The following PTPRN variants were observed in gnomAD, a reference collection of about 807,000 sequenced individuals.
The protein encoded by PTPRN is protein tyrosine phosphatase receptor type N.
PTPRN carries 70 observed loss-of-function variants against 108.5 expected under a neutral mutation model. The ratio of observed to expected loss-of-function variants is 0.65; its 90% CI spans 0.53 to 0.79. The LOEUF (loss-of-function observed/expected upper bound fraction) is 0.79, where lower values mean the gene tolerates loss of function less well. Ranked by LOEUF, PTPRN falls within the 30% of genes least tolerant of loss-of-function variation. PTPRN has a pLI of 0.00. For missense variants in PTPRN, 1,136 were observed against 1,295.5 expected (o/e 0.88, Z 1.89); for synonymous variants, 496 against 524.6 (o/e 0.95, Z 0.75).
chr2:219,295,237 C>G lies in PTPRN; in HGVS notation c.2509-96G>C, dbSNP rs963442249. 30 of 1,389,704 alleles carry G rather than the reference C, an allele frequency of 2.2e-5. No individual in the cohort carries two copies. In the African/African-American group the frequency reaches 3.9e-4, roughly 18 times the overall value. The allele number at this position is 1,389,704 out of a possible 1,614,324, so 86.1% of individuals were successfully genotyped here. A position where few individuals can be genotyped will look rare whatever the true frequency, so the allele number is the denominator to read the frequency against. On this transcript the variant is annotated intron_variant, in intron 18 of 22. Coordinates refer to ENST00000295718, the MANE Select transcript of PTPRN (RefSeq NM_002846.4). ...CGACCTTCTCGGTCTCTCCAACCAC[C>G]GCCCGGCCTCCCAGGCCGGTTCAAA...
At chr2:219,294,895 G>A (rs1189996690) in intron 19 of PTPRN, 80 bp downstream of exon 19, 6 of 1,334,958 alleles carry the variant, frequency 4.5e-6, no homozygotes, top group Non-Finnish European at 5.8e-6. Context: ...CCCGACCCGG[G>A]GCTCCAGGCC....
intron 3 of PTPRN, among the ~76,000 whole-genome samples, chr2:219,304,490 C>T (rs1381342700): frequency 6.6e-6 from 1 of 152,118 alleles, no homozygotes; most frequent in African/African-American, 2.4e-5. Context: ...ACTCTTTCCC[C>T]CAAAAAAACT....
At chr2:219,295,978 A>G (rs1391308029) in intron 18 of PTPRN, 2 of 306,018 alleles carry the variant, frequency 6.5e-6, no homozygotes, top group East Asian at 3.2e-4. Flanking sequence ...TAGACAGGAC[A>G]CACACACACA....
chr2:219,290,615 G>A lies in PTPRN; in HGVS notation c.2795-4C>T. 1.3e-6 allele frequency: 2 copies of A among 1,551,796 alleles called. No homozygotes were observed. The highest frequency in any genetic ancestry group is 2.7e-5 in the African/African-American group (2 of 73,162). On this transcript the variant is annotated splice_region_variant and splice_polypyrimidine_tract_variant and intron_variant, in intron 21 of 22. Coordinates refer to ENST00000295718, the MANE Select transcript of PTPRN (RefSeq NM_002846.4). This position sits in a 1 kb window ranked among gnomAD's most constrained non-coding sequence, Gnocchi z 4.2. ...GCGATGTCAATCTCCTTCACTCCTGGAGATGGAGGTGGGGATGGGGCTGCT... is the reference window on the plus strand; with the variant it reads ...GCGATGTCAATCTCCTTCACTCCTGAAGATGGAGGTGGGGATGGGGCTGCT...
chr2:219,295,331 G>T (rs767844864), intron 18 of PTPRN, 190 bp from the exon 19 acceptor site: 104 of 578,648 alleles, frequency 1.8e-4, no homozygotes, highest in Non-Finnish European at 2.8e-4. Context: ...ACCACTAGTA[G>T]CTTTTCCACC....
In PTPRN at chr2:219,297,827, C is replaced by T. The variant is rs1447529457; in HGVS notation, c.1887+58G>A. The T allele has an allele frequency of 6.6e-7, 1 of 1,525,380 alleles. No individual in the cohort carries two copies. The highest frequency in any genetic ancestry group is 2.0e-5 in the Admixed American group (1 of 50,454). The allele number at this position is 1,525,380 out of a possible 1,614,324, so 94.5% of individuals were successfully genotyped here. A position where few individuals can be genotyped will look rare whatever the true frequency, so the allele number is the denominator to read the frequency against. On this transcript the variant is annotated intron_variant, in intron 13 of 22. Transcript: ENST00000295718. The surrounding 1 kb of genome is among the most constrained non-coding windows in gnomAD (Gnocchi z 6.0). The stretch of plus-strand genomic sequence containing the variant: ...GTTCCGACCCTTAGTCCACGCAAGA[C>T]CCAGACTCCCAGGCCCCTTGCATTT...
At position 219,307,774 on chromosome 2, in the gene PTPRN, T is replaced by C; in HGVS notation, c.166+18A>G. 1.2e-6 allele frequency: 2 copies of C among 1,613,376 alleles called. No homozygotes were observed. The highest frequency in any genetic ancestry group is 1.1e-5 in the South Asian group (1 of 91,066). On this transcript the variant is annotated intron_variant, in intron 2 of 22. Transcript: ENST00000295718. ...TCTCCCCCCGATCTTGTGAGTTCTA[T>C]GCTTGGGCCTCACTCACCCTGAATA... is the stretch of plus-strand genomic sequence containing the variant.
intron 18 of PTPRN, chr2:219,295,940 A>G (rs1192973641): frequency 2.1e-5 from 7 of 340,678 alleles, no homozygotes; most frequent in East Asian, 1.2e-4. Context: ...TGCCTTTATC[A>G]TAAGTCTCTA....
intron 3 of PTPRN, among the ~76,000 whole-genome samples, chr2:219,304,748 G>T (rs1952440970): frequency 6.6e-6 from 1 of 152,108 alleles, no homozygotes; most frequent in Non-Finnish European, 1.5e-5. Context: ...CATTCTCCTT[G>T]CAATTCTCTC....
rs760619909 is a variant in PTPRN at position 219,297,323 on chromosome 2, C to G, written c.1998G>C (p.Gln666His). ...SVSSQFSDAA[Q>H]ASPSSHSSTP... ...TGCTGCTGTGGGAGCTGGGGCTGGC[C>G]TGGGCTGCGTCGCTGAACTGGGAGG... is the stretch of plus-strand genomic sequence containing the variant. Residue 666 changes from glutamine (Q) to histidine (H), a missense_variant, in exon 14 of 23, where the codon CAG (glutamine) becomes CAC (histidine). Transcript: ENST00000295718. This position sits in a 1 kb window ranked among gnomAD's most constrained non-coding sequence, Gnocchi z 6.0. The G allele has an allele frequency of 1.9e-6, 3 of 1,613,942 alleles. No individual in the cohort carries two copies. The highest frequency in any genetic ancestry group is 1.7e-5 in the Admixed American group (1 of 60,004).
chr2:219,307,435 A>C lies in PTPRN; in HGVS notation c.280+9T>G. 1 of 1,612,096 alleles carries C rather than the reference A, an allele frequency of 6.2e-7. No individual in the cohort carries two copies. The highest frequency in any genetic ancestry group is 1.1e-5 in the South Asian group (1 of 90,924). The stretch of plus-strand genomic sequence containing the variant: ...CCAATCTCTCTCCTCCAGTGCACCC[A>C]GACCTTACCTTGGGACATGAGTTGT... On this transcript the variant is annotated intron_variant, in intron 3 of 22. Coordinates refer to ENST00000295718, the MANE Select transcript of PTPRN (RefSeq NM_002846.4).
Position 219,290,222 on chromosome 2 carries a change from G to A in PTPRN, c.*4C>T, listed in dbSNP as rs769063640. On this transcript the variant is annotated 3_prime_UTR_variant, in exon 23 of 23. Coordinates refer to ENST00000295718, the MANE Select transcript of PTPRN (RefSeq NM_002846.4). This position sits in a 1 kb window ranked among gnomAD's most constrained non-coding sequence, Gnocchi z 4.2. ...TGGGCTGCCCGCCAAGGGGCCCCAGGGTCTCACTGGGGCAGGGCCTTGAGG... is the reference window on the plus strand; with the variant it reads ...TGGGCTGCCCGCCAAGGGGCCCCAGAGTCTCACTGGGGCAGGGCCTTGAGG... The A allele has an allele frequency of 6.2e-6, 10 of 1,613,504 alleles. No homozygotes were observed. In the South Asian group the frequency reaches 9.9e-5, roughly 16 times the overall value.
At chr2:219,291,544 G>A (rs1328577777) in intron 19 of PTPRN, 21 bp from the exon 20 acceptor site, 1 of 1,612,550 alleles carries the variant, frequency 6.2e-7, no homozygotes. Context: ...AAATGGGTGT[G>A]AGGGCCAGTG....
rs546330516 is a variant in PTPRN, at chr2:219,296,269, C to G, written c.2465G>C (p.Arg822Pro). ...GGAGGCACCCTCATCTGGCCAGTAG[C>G]GGTCACACTGCTTGACACCATCCTC... Reference protein sequence around the residue: ...LVEDGVKQCDRYWPDEGASLY... With the variant: ...LVEDGVKQCDPYWPDEGASLY... Residue 822 changes from arginine (R) to proline (P), a missense_variant, in exon 18 of 23, where the codon CGC (arginine) becomes CCC (proline). Arg to Pro is a moderately radical substitution (Grantham distance 103). Transcript: ENST00000295718. The surrounding 1 kb of genome is among the most constrained non-coding windows in gnomAD (Gnocchi z 6.0). 13 of 1,614,000 alleles carry G rather than the reference C, an allele frequency of 8.1e-6. No homozygotes were observed. Among genetic ancestry groups the G allele is most frequent in the Non-Finnish European group, 1.1e-5 (13 of 1,180,030 alleles).
chr2:219,307,249 G>T (rs1398788265), intron 3 of PTPRN, 195 bp downstream of exon 3: 2 of 491,706 alleles, frequency 4.1e-6, no homozygotes, highest in Non-Finnish European at 7.2e-6. Context: ...TTCTTAGAAG[G>T]CTCCTCTGGG....
intron 12 of PTPRN, 132 bp downstream of exon 12, chr2:219,298,915 C>G: frequency 9.4e-7 from 1 of 1,067,998 alleles, no homozygotes; most frequent in South Asian, 1.3e-5. Flanking sequence ...GCTGCTTGGG[C>G]GAAGGCCGCC....
At chr2:219,295,365 T>A (rs1215313245) in intron 18 of PTPRN, 2 of 521,924 alleles carry the variant, frequency 3.8e-6, no homozygotes, top group Non-Finnish European at 6.7e-6. Context: ...TGTGAGCCTC[T>A]CGAGGTCGGA....
At chr2:219,291,279 C>G (rs899871997) in intron 20 of PTPRN, among the ~76,000 whole-genome samples, 191 bp downstream of exon 20, 1 of 152,154 alleles carries the variant, frequency 6.6e-6, no homozygotes, top group Admixed American at 6.5e-5. Flanking sequence ...GTATCACATA[C>G]TTTTCTTCTT....
chr2:219,307,647 C>A, intron 2 of PTPRN, 90 bp from the exon 3 acceptor site: 2 of 1,445,384 alleles, frequency 1.4e-6, no homozygotes, highest in Non-Finnish European at 1.9e-6. Context: ...TCTTCACTTT[C>A]TCCCCTACCT....
Sources: gnomAD v4.1 joint callset for allele counts (sites outside exome capture counted in the v4.1 genomes callset) on GRCh38, gnomAD v4.1.1 for gene constraint, Gnocchi (gnomAD v3.1) non-coding constraint, MANE v1.5 for transcripts, NCBI Gene and HGNC (gene_info 2026-07-23, HGNC 2026-07-21) for gene names.